The following KIF13A variants were observed in gnomAD, a reference collection of about 807,000 sequenced individuals.
KIF13A encodes kinesin-like protein KIF13A.
KIF13A carries 79 observed loss-of-function variants against 212.2 expected under a neutral mutation model. The ratio of observed to expected loss-of-function variants is 0.37; its 90% CI spans 0.31 to 0.45. The LOEUF is 0.45. Ranked by LOEUF, KIF13A falls within the 20% of genes least tolerant of loss-of-function variation. KIF13A has a pLI of 1.00. For missense variants in KIF13A, 1,901 were observed against 2,209.0 expected (o/e 0.86, Z 2.79); for synonymous variants, 789 against 808.6 (o/e 0.98, Z 0.41).
In KIF13A at chr6:17,804,370, C is replaced by G; in HGVS notation, c.2445G>C (p.Gln815His). The change falls in exon 20 of 39, where the codon CAG becomes CAC. Residue 815 changes from glutamine to histidine, a missense_variant. This residue lies in a region of KIF13A where 534 missense variants were observed against 536.9 expected (regional missense o/e 0.99). Transcript: ENST00000259711. ...GCTGGCCTGTGCTTACCTCCCCCTG[C>G]TGGCTGATGATAGGGACTGCATACT... ...KLQYAVPIISQQGEVAGRLHV... is the reference protein window; with the variant it reads ...KLQYAVPIISHQGEVAGRLHV... 6.5e-7 allele frequency: 1 copy of G among 1,541,528 alleles called. No individual in the cohort carries two copies. The highest frequency in any genetic ancestry group is 2.5e-5 in the East Asian group (1 of 40,728).
intron 17 of KIF13A, among the ~76,000 whole-genome samples, chr6:17,815,273 T>C (rs572052595): frequency 6.6e-6 from 1 of 150,584 alleles, no homozygotes; most frequent in Admixed American, 6.7e-5. Context: ...ACCAGGAGAG[T>C]GACCACTGAA....
intron 2 of KIF13A, among the ~76,000 whole-genome samples, chr6:17,935,905 G>T (rs192329553): frequency 6.6e-6 from 1 of 152,274 alleles, no homozygotes; most frequent in Admixed American, 6.5e-5. Context: ...AGATCTTAAA[G>T]CCATATTTCC....
At chr6:17,863,758 A>C (rs1434328442) in intron 4 of KIF13A, among the ~76,000 whole-genome samples, 1 of 151,854 alleles carries the variant, frequency 6.6e-6, no homozygotes, top group African/African-American at 2.4e-5. Flanking sequence ...TCTTGAAGAG[A>C]CCCTAGTTTA....
At chr6:17,865,656 C>T (rs145163512) in intron 4 of KIF13A, among the ~76,000 whole-genome samples, 2 of 152,244 alleles carry the variant, frequency 1.3e-5, no homozygotes, top group East Asian at 3.9e-4. Flanking sequence ...AGTTAAATGA[C>T]CAAAAACTAC....
chr6:17,980,425 A>C (rs1336760046), intron 2 of KIF13A, among the ~76,000 whole-genome samples: 1 of 152,214 alleles, frequency 6.6e-6, no homozygotes, highest in Non-Finnish European at 1.5e-5. Context: ...GATTCCACAC[A>C]GAAGACAGGT....
intron 9 of KIF13A, among the ~76,000 whole-genome samples, chr6:17,848,698 T>C (rs1317428758): frequency 6.6e-6 from 1 of 151,442 alleles, no homozygotes; most frequent in African/African-American, 2.4e-5. Flanking sequence ...CCTGAGTAGC[T>C]GGGATTACAG....
In KIF13A at chr6:17,771,402, G is replaced by A; in HGVS notation, c.4477-184C>T. On this transcript the variant is annotated intron_variant, in intron 37 of 38. Transcript: ENST00000259711. The surrounding 1 kb of genome is among the most constrained non-coding windows in gnomAD (Gnocchi z 5.4). ...GATATGACAGGAATAAACAGATTCT[G>A]TGGCAAAAAGCATAATTAGTCTTAT... The A allele has an allele frequency of 1.8e-6, 1 of 556,426 alleles. No homozygotes were observed. The highest frequency in any genetic ancestry group is 2.3e-5 in the South Asian group (1 of 44,118). 34.5% of individuals were successfully genotyped at this position (556,426 alleles called of 1,614,324 possible).
chr6:17,894,455 C>T (rs1772376448), intron 3 of KIF13A, among the ~76,000 whole-genome samples: 1 of 151,994 alleles, frequency 6.6e-6, no homozygotes, highest in African/African-American at 2.4e-5. Context: ...CATAGTTTTT[C>T]TTTTTCATTC....
rs1382678423 is a variant in KIF13A at position 17,898,903 on chromosome 6, A to G, written c.147-723T>C. Among the ~76,000 whole-genome samples the G allele has an allele frequency of 6.6e-6, 1 of 152,152 alleles. No individual in the cohort carries two copies. Among genetic ancestry groups the G allele is most frequent in the Non-Finnish European group, 1.5e-5 (1 of 68,028 alleles). ...CAGGATGGAGTGCAGTGATGTGATC[A>G]TGGCTCAGTGCAACCTTGAACTCCT... On this transcript the variant is annotated intron_variant, in intron 2 of 38. Transcript: ENST00000259711. The surrounding 1 kb of genome is among the most constrained non-coding windows in gnomAD (Gnocchi z 5.2).
At chr6:17,973,661 A>G (rs903662533) in intron 2 of KIF13A, among the ~76,000 whole-genome samples, 6 of 152,190 alleles carry the variant, frequency 3.9e-5, no homozygotes, top group South Asian at 2.1e-4. Context: ...CCAGCCCTCA[A>G]TTTTACAGAT....
downstream of KIF13A, chr6:17,759,928 T>G (rs1408229306): frequency 7.0e-6 from 1 of 142,226 alleles, no homozygotes; most frequent in Non-Finnish European, 1.5e-5. Flanking sequence ...TACGGCTCTC[T>G]TCATTCCACC....
In KIF13A at chr6:17,838,939, C is replaced by A. The variant is rs1313273285; in HGVS notation, c.831-1356G>T. On this transcript the variant is annotated intron_variant, in intron 9 of 38. Coordinates refer to ENST00000259711, the MANE Select transcript of KIF13A (RefSeq NM_022113.6). The surrounding 1 kb of genome is among the most constrained non-coding windows in gnomAD (Gnocchi z 4.2). ...GGTTCAAGAGATTCTCCTGCCTCAG[C>A]CTCCTGAGTAGCTGGGATTACAGGC... is the stretch of plus-strand genomic sequence containing the variant. Among the ~76,000 whole-genome samples, 1 of 152,172 alleles carries A rather than the reference C, an allele frequency of 6.6e-6. No individual in the cohort carries two copies. Among genetic ancestry groups the A allele is most frequent in the Non-Finnish European group, 1.5e-5 (1 of 68,028 alleles).
In KIF13A at chr6:17,976,503, G is replaced by A. The variant is rs980588684; in HGVS notation, c.146+10551C>T. Reference sequence around the variant, plus strand: ...CGAATGCGGGGCCCGCCAAGCCCACGCCCACCCAGAACTCCAGCTGGCCCG... The same window carrying A: ...CGAATGCGGGGCCCGCCAAGCCCACACCCACCCAGAACTCCAGCTGGCCCG... On this transcript the variant is annotated intron_variant, in intron 2 of 38. Coordinates refer to ENST00000259711, the MANE Select transcript of KIF13A (RefSeq NM_022113.6). 9.2e-5 allele frequency among the ~76,000 whole-genome samples: 14 copies of A among 152,296 alleles called. 1 individual carries two copies. The highest frequency in any genetic ancestry group is 3.9e-4 in the East Asian group (2 of 5,162).
Position 17,772,953 on chromosome 6 carries a change from C to A in KIF13A, c.4324+525G>T, listed in dbSNP as rs1215979445. On this transcript the variant is annotated intron_variant, in intron 36 of 38. Coordinates refer to ENST00000259711, the MANE Select transcript of KIF13A (RefSeq NM_022113.6). The surrounding 1 kb of genome is among the most constrained non-coding windows in gnomAD (Gnocchi z 4.8). ...GCGAATATACCTTATATTTTACCTACTAATATAAGGTATAAGGTAACAGAA... is the reference window on the plus strand; with the variant it reads ...GCGAATATACCTTATATTTTACCTAATAATATAAGGTATAAGGTAACAGAA... Among the ~76,000 whole-genome samples, 3 of 152,054 alleles carry A rather than the reference C, an allele frequency of 2.0e-5. No homozygotes were observed. The highest frequency in any genetic ancestry group is 1.3e-4 in the Admixed American group (2 of 15,258).
rs1323071025 is a variant in KIF13A at position 17,830,336 on chromosome 6, T to TA, written c.1401+764dup. On this transcript the variant is annotated intron_variant, in intron 13 of 38. Transcript: ENST00000259711. Reference sequence around the variant, plus strand: ...GTCTATGAGACATGTAATGATGTTATAGCCCTGAGGGCTAAGGGTTGTACG... The same window carrying TA: ...GTCTATGAGACATGTAATGATGTTATAAGCCCTGAGGGCTAAGGGTTGTACG... 5.3e-5 allele frequency among the ~76,000 whole-genome samples: 8 copies of TA among 152,360 alleles called. No individual in the cohort carries two copies. The East Asian group carries it at 1.5e-3, about 29-fold the overall frequency.
rs556707676 is a variant in KIF13A, at chr6:17,876,364, T to C, written c.160-2927A>G. ...AAATTCCTCATGCTCCAGTGGAACT[T>C]GTCCTTACCTCAGAATTACTAAGTA... On this transcript the variant is annotated intron_variant, in intron 3 of 38. Coordinates refer to ENST00000259711, the MANE Select transcript of KIF13A (RefSeq NM_022113.6). Among the ~76,000 whole-genome samples, 3 of 152,282 alleles carry C rather than the reference T, an allele frequency of 2.0e-5. No individual in the cohort carries two copies. The South Asian group carries it at 6.2e-4, about 32-fold the overall frequency.
intron 25 of KIF13A, among the ~76,000 whole-genome samples, chr6:17,793,116 G>A (rs1221667717): frequency 6.6e-6 from 1 of 152,080 alleles, no homozygotes; most frequent in African/African-American, 2.4e-5. Flanking sequence ...GCCTTCCTCT[G>A]TCACCCAGGC....
Position 17,837,427 on chromosome 6 carries a change from AT to A in KIF13A, c.942+44del, listed in dbSNP as rs1478494220. 3 of 1,353,786 alleles carry A rather than the reference AT, an allele frequency of 2.2e-6. No homozygotes were observed. Among genetic ancestry groups the A allele is most frequent in the South Asian group, 2.5e-5 (2 of 80,530 alleles). 83.9% of individuals were successfully genotyped at this position (1,353,786 alleles called of 1,614,324 possible). A position where few individuals can be genotyped will look rare whatever the true frequency, so the allele number is the denominator to read the frequency against. ...ACACCTTTACTCTGTCACATCTGGA[AT>A]AGCCAATTTTTAGTTGGAAAAGAAC... On this transcript the variant is annotated intron_variant, in intron 10 of 38. Transcript: ENST00000259711. The surrounding 1 kb of genome is among the most constrained non-coding windows in gnomAD (Gnocchi z 5.4).
chr6:17,894,064 T>C (rs1170750497), intron 3 of KIF13A, among the ~76,000 whole-genome samples: 1 of 151,892 alleles, frequency 6.6e-6, no homozygotes, highest in Non-Finnish European at 1.5e-5. Flanking sequence ...GGTCTTGATC[T>C]CCTGACCTCG....
Sources: allele counts gnomAD v4.1 joint callset (sites outside exome capture counted in the v4.1 genomes callset), GRCh38; gene constraint gnomAD v4.1.1; regional missense constraint gnomAD v4.1.1; non-coding constraint Gnocchi (gnomAD v3.1); transcripts MANE v1.5; gene names NCBI Gene and HGNC (gene_info 2026-07-23, HGNC 2026-07-21).